The following IQSEC3 variants were observed in gnomAD, a reference collection of about 807,000 sequenced individuals.
IQSEC3 encodes the protein IQ motif and Sec7 domain ArfGEF 3.
In IQSEC3, 50 loss-of-function variants were observed where a neutral mutation model predicts 105.4. The observed-to-expected ratio is 0.47, with a 90% CI of 0.38 to 0.60. IQSEC3 has a LOEUF of 0.60. IQSEC3 is among the 20% of genes least tolerant of loss of function. The pLI, the probability that IQSEC3 is intolerant of heterozygous loss-of-function variation, is 0.00. For missense variants in IQSEC3, 1,415 were observed against 1,630.0 expected (o/e 0.87, Z 2.27); for synonymous variants, 708 against 746.0 (o/e 0.95, Z 0.83).
At chr12:87,931 C>A (rs74432491) in intron 1 of IQSEC3, among the ~76,000 whole-genome samples, 1,604 of 152,236 alleles carry the variant, frequency 0.011, 40 homozygotes, top group African/African-American at 0.036. Flanking sequence ...CTGTTGTATA[C>A]GTGCGGTTAG....
intron 5 of IQSEC3, among the ~76,000 whole-genome samples, chr12:155,737 T>A (rs1866661670): frequency 6.6e-6 from 1 of 152,144 alleles, no homozygotes; most frequent in Non-Finnish European, 1.5e-5. Flanking sequence ...AGCAGGCGTT[T>A]TCTGTGCTCT....
intron 5 of IQSEC3, among the ~76,000 whole-genome samples, chr12:151,598 G>A (rs1848085366): frequency 6.6e-6 from 1 of 152,118 alleles, no homozygotes; most frequent in Non-Finnish European, 1.5e-5. Flanking sequence ...AATCTTCTTA[G>A]AACAAACAGG....
chr12:78,366 G>C (rs1193118201), intron 1 of IQSEC3, among the ~76,000 whole-genome samples: 1 of 151,940 alleles, frequency 6.6e-6, no homozygotes, highest in Non-Finnish European at 1.5e-5. Context: ...GTGATGGTGC[G>C]AGTAGATTGC....
At chr12:164,166 T>C (rs533883886) in intron 9 of IQSEC3, among the ~76,000 whole-genome samples, 1 of 152,210 alleles carries the variant, frequency 6.6e-6, no homozygotes, top group Non-Finnish European at 1.5e-5. Context: ...GGAAAACTGG[T>C]GAGCAGGACT....
chr12:107,495 C>G (rs530728294), intron 2 of IQSEC3, among the ~76,000 whole-genome samples: 1 of 149,472 alleles, frequency 6.7e-6, no homozygotes. Flanking sequence ...CTGCAAGCTC[C>G]GCCTCCCGGG....
intron 1 of IQSEC3, among the ~76,000 whole-genome samples, chr12:73,855 T>C (rs1863421157): frequency 1.3e-5 from 2 of 152,260 alleles, no homozygotes; most frequent in African/African-American, 4.8e-5. Flanking sequence ...ATGTTGAGCA[T>C]ACCCTGAAAA....
intron 1 of IQSEC3, among the ~76,000 whole-genome samples, chr12:88,493 A>C (rs1258733078): frequency 5.9e-5 from 9 of 152,182 alleles, no homozygotes; most frequent in African/African-American, 2.2e-4. Flanking sequence ...AAGCTCCCCC[A>C]AAGAAAAGTG....
chr12:139,369 G>T lies in IQSEC3; in HGVS notation c.1991+15G>T. On this transcript the variant is annotated intron_variant, in intron 4 of 13. Transcript: ENST00000538872. ...CTCTTCAACATGTAAGTCAGCCCCG[G>T]CCCCCAGCCCGGAGTCCTGGGCGTC... 1 of 1,523,436 alleles carries T rather than the reference G, an allele frequency of 6.6e-7. No homozygotes were observed. 94.4% of individuals were successfully genotyped at this position (1,523,436 alleles called of 1,614,324 possible).
chr12:80,667 A>T (rs1863713483), intron 1 of IQSEC3, among the ~76,000 whole-genome samples: 1 of 152,172 alleles, frequency 6.6e-6, no homozygotes, highest in South Asian at 2.1e-4. Flanking sequence ...AAAACTCCCA[A>T]ATTCCTTTAT....
chr12:131,204 C>T (rs374448316), intron 3 of IQSEC3, among the ~76,000 whole-genome samples: 14 of 152,304 alleles, frequency 9.2e-5, no homozygotes, highest in African/African-American at 2.4e-4. Flanking sequence ...CGGAGGCCCC[C>T]GCGCCCCTGC....
intron 1 of IQSEC3, among the ~76,000 whole-genome samples, chr12:76,193 G>A (rs564930899): frequency 1.3e-5 from 2 of 152,360 alleles, no homozygotes; most frequent in African/African-American, 4.8e-5. Flanking sequence ...AGGGAAAGGA[G>A]GCTGGCATTG....
At chr12:115,772 T>C (rs543814299) in intron 2 of IQSEC3, among the ~76,000 whole-genome samples, 10 of 152,210 alleles carry the variant, frequency 6.6e-5, no homozygotes, top group Non-Finnish European at 1.5e-5. Context: ...TCAGTCTCTC[T>C]GGTTCTAAAT....
At chr12:104,951 C>G (rs537446875) in intron 2 of IQSEC3, among the ~76,000 whole-genome samples, 2 of 152,284 alleles carry the variant, frequency 1.3e-5, no homozygotes, top group African/African-American at 4.8e-5. Context: ...GGCTGGGGCG[C>G]CGCGGCCTCA....
At position 177,198 on chromosome 12, in the gene IQSEC3, C is replaced by T. The variant is rs946244430; in HGVS notation, c.*2165C>T. On this transcript the variant is annotated 3_prime_UTR_variant, in exon 14 of 14. Transcript: ENST00000538872. This position sits in a 1 kb window ranked among gnomAD's most constrained non-coding sequence, Gnocchi z 5.3. ...AGGACAGGCAGGACCCCGTCCCCTG[C>T]TCACACAGCTCTTCAAGCTTACCAA... The T allele has an allele frequency of 3.0e-5, 4 of 133,428 alleles. No individual in the cohort carries two copies. Among genetic ancestry groups the T allele is most frequent in the East Asian group, 4.1e-4 (2 of 4,846 alleles). 8.3% of individuals were successfully genotyped at this position (133,428 alleles called of 1,614,324 possible).
At chr12:81,377 C>A (rs1249415236) in intron 1 of IQSEC3, among the ~76,000 whole-genome samples, 1 of 152,122 alleles carries the variant, frequency 6.6e-6, no homozygotes, top group Non-Finnish European at 1.5e-5. Context: ...TGAGAATAGA[C>A]TGAAGAGGGA....
At chr12:110,750 G>T (rs1184467897) in intron 2 of IQSEC3, among the ~76,000 whole-genome samples, 1 of 151,984 alleles carries the variant, frequency 6.6e-6, no homozygotes, top group Non-Finnish European at 1.5e-5. Flanking sequence ...AAACCGAGGG[G>T]GTCTTCCCAG....
intron 13 of IQSEC3, 37 bp from the exon 14 acceptor site, chr12:174,562 G>T: frequency 2.0e-6 from 3 of 1,501,122 alleles, no homozygotes; most frequent in Non-Finnish European, 2.7e-6. Flanking sequence ...AATTAGTCTT[G>T]TAACATTTCA....
intron 2 of IQSEC3, 127 bp from the exon 3 acceptor site, chr12:125,506 A>G: frequency 1.1e-6 from 1 of 950,874 alleles, no homozygotes; most frequent in Non-Finnish European, 1.4e-6. Flanking sequence ...ACTGTGAAAG[A>G]CACCCCCTCC....
rs1555088024 is a variant in IQSEC3 at position 139,038 on chromosome 12, G to T, written c.1675G>T (p.Ala559Ser). 13 of 1,489,150 alleles carry T rather than the reference G, an allele frequency of 8.7e-6. No individual in the cohort carries two copies. The highest frequency in any genetic ancestry group is 1.4e-5 in the African/African-American group (1 of 71,484). The allele number at this position is 1,489,150 out of a possible 1,614,324, so 92.2% of individuals were successfully genotyped here. A position where few individuals can be genotyped will look rare whatever the true frequency, so the allele number is the denominator to read the frequency against. ...SAEDSCAEAAASGAADGATAP... is the reference protein window; with the variant it reads ...SAEDSCAEAASSGAADGATAP... ...CGAGGACTCATGCGCAGAGGCTGCG[G>T]CTAGTGGGGCGGCGGATGGGGCCAC... Residue 559 changes from alanine to serine, a missense_variant, in exon 4 of 14, where the codon GCT (alanine) becomes TCT (serine). By Grantham distance (99) the Ala-to-Ser change is moderately conservative (BLOSUM62 1). Transcript: ENST00000538872.
Sources: allele counts gnomAD v4.1 joint callset (sites outside exome capture counted in the v4.1 genomes callset), GRCh38; gene constraint gnomAD v4.1.1; non-coding constraint Gnocchi (gnomAD v3.1); transcripts MANE v1.5; gene names NCBI Gene and HGNC (gene_info 2026-07-23, HGNC 2026-07-21).